Variants in C1QTNF3 observed in about 807,000 individuals in gnomAD.
C1QTNF3 encodes the protein complement C1q tumor necrosis factor-related protein 3.
C1QTNF3 carries 26 observed loss-of-function variants against 32.6 expected under a neutral mutation model. That is an observed-to-expected ratio of 0.80 (90% confidence interval 0.58 to 1.11). The LOEUF is 1.11. C1QTNF3 is among the 50% of genes least tolerant of loss of function. C1QTNF3 has a pLI of 0.00. For synonymous variants in C1QTNF3, 155 were observed against 146.0 expected, an observed-to-expected ratio of 1.06 and a Z score of -0.44; for missense variants, 362 against 398.2, an observed-to-expected ratio of 0.91 and a Z score of 0.77.
the C1QTNF3 span, among the ~76,000 whole-genome samples, chr5:34,172,428 C>T: frequency 1.5e-5 from 2 of 135,372 alleles, no homozygotes; most frequent in Non-Finnish European, 3.1e-5. Context: ...CAGCCATGTA[C>T]CCGGGGTTGG....
rs1754406708 is a variant in C1QTNF3, at chr5:34,024,176, C to G, written c.701-168G>C. On this transcript the variant is annotated intron_variant, in intron 4 of 5. Transcript: ENST00000382065. Reference sequence around the variant, plus strand: ...TGCAGGAATGTCCCTATATCTACTCCCCTTCCAAGTGCTTTCAATGTGTAC... The same window carrying G: ...TGCAGGAATGTCCCTATATCTACTCGCCTTCCAAGTGCTTTCAATGTGTAC... 6 of 591,402 alleles carry G rather than the reference C, an allele frequency of 1.0e-5. No individual in the cohort carries two copies. The South Asian group carries it at 1.1e-4, about 11-fold the overall frequency. The allele number at this position is 591,402 out of a possible 1,614,324, so 36.6% of individuals were successfully genotyped here. A position where few individuals can be genotyped will look rare whatever the true frequency, so the allele number is the denominator to read the frequency against.
At chr5:34,143,787 G>A in the C1QTNF3 span, among the ~76,000 whole-genome samples, 1 of 152,160 alleles carries the variant, frequency 6.6e-6, no homozygotes, top group Admixed American at 6.5e-5. Flanking sequence ...AGGAAATGCT[G>A]AACGTGAAAT....
the C1QTNF3 span, among the ~76,000 whole-genome samples, chr5:34,143,501 A>G: frequency 6.6e-6 from 1 of 152,166 alleles, no homozygotes; most frequent in East Asian, 1.9e-4. Context: ...GTCAACACAA[A>G]AGGAAAAATC....
chr5:34,170,534 G>A, the C1QTNF3 span, among the ~76,000 whole-genome samples: 1 of 151,926 alleles, frequency 6.6e-6, no homozygotes, highest in Non-Finnish European at 1.5e-5. Context: ...CAGTATCGGG[G>A]GTGTTTGCAT....
At chr5:34,211,302 C>T in the C1QTNF3 span, among the ~76,000 whole-genome samples, 3 of 151,438 alleles carry the variant, frequency 2.0e-5, 1 homozygote, top group South Asian at 6.3e-4. Flanking sequence ...GATATATTTC[C>T]AGCTTTATTT....
chr5:34,076,064 A>T, the C1QTNF3 span, among the ~76,000 whole-genome samples: 1 of 151,716 alleles, frequency 6.6e-6, no homozygotes, highest in Non-Finnish European at 1.5e-5. Flanking sequence ...AGGTAGCTAG[A>T]GTCATCAGAA....
chr5:34,048,285 T>TGTGTGTGTGC, the C1QTNF3 span, among the ~76,000 whole-genome samples: 364 of 98,474 alleles, frequency 3.7e-3, 4 homozygotes, highest in African/African-American at 0.012. Context: ...TGTGTGTGTG[T>TGTGTGTGTGC]GCATGAGAGA....
chr5:34,203,189 T>A, the C1QTNF3 span, among the ~76,000 whole-genome samples: 1 of 151,470 alleles, frequency 6.6e-6, no homozygotes, highest in Non-Finnish European at 1.5e-5. Flanking sequence ...GGACGAGAAA[T>A]CAAATAGCAA....
the C1QTNF3 span, among the ~76,000 whole-genome samples, chr5:34,211,715 A>G: frequency 0.011 from 1,717 of 152,060 alleles, 33 homozygotes; most frequent in African/African-American, 0.04. Context: ...TACAAAGGAC[A>G]TGAACTCATC....
chr5:34,026,709 A>G (rs1289523002), intron 4 of C1QTNF3, among the ~76,000 whole-genome samples: 2 of 152,132 alleles, frequency 1.3e-5, no homozygotes, highest in African/African-American at 2.4e-5. Flanking sequence ...TTTCTTCACC[A>G]AGAAACTAGA....
chr5:34,069,001 C>T, the C1QTNF3 span, among the ~76,000 whole-genome samples: 39 of 150,134 alleles, frequency 2.6e-4, no homozygotes, highest in South Asian at 7.8e-3. Context: ...CAGTAAACAT[C>T]ACCTGTGTGT....
the C1QTNF3 span, chr5:34,244,505 T>G: frequency 6.6e-6 from 1 of 152,290 alleles, no homozygotes; most frequent in South Asian, 2.1e-4. Context: ...GATGGGTTCA[T>G]TTTACAGAGA....
the C1QTNF3 span, among the ~76,000 whole-genome samples, chr5:34,098,802 A>G: frequency 7.9e-5 from 12 of 152,182 alleles, no homozygotes; most frequent in South Asian, 2.1e-4. Context: ...CTAAATTTGC[A>G]TAACATTTTC....
the C1QTNF3 span, chr5:34,168,698 T>C: frequency 6.6e-6 from 1 of 152,038 alleles, no homozygotes; most frequent in Non-Finnish European, 1.5e-5. Flanking sequence ...GATGAACCCC[T>C]GGAGCTGTCA....
chr5:34,230,412 A>G, the C1QTNF3 span, among the ~76,000 whole-genome samples: 11 of 152,296 alleles, frequency 7.2e-5, no homozygotes, highest in South Asian at 2.3e-3. Flanking sequence ...CATTTGGCAA[A>G]TCAGTGCATG....
chr5:34,206,026 GAAAGGTCTTTCA>G, the C1QTNF3 span, among the ~76,000 whole-genome samples: 1 of 151,448 alleles, frequency 6.6e-6, no homozygotes, highest in South Asian at 2.1e-4. Context: ...GGGGCCAAGT[GAAAGGTCTTTCA>G]ATTTCTAGAA....
chr5:34,203,134 G>T, the C1QTNF3 span, among the ~76,000 whole-genome samples: 4 of 152,102 alleles, frequency 2.6e-5, no homozygotes, highest in East Asian at 5.8e-4. Flanking sequence ...CAAAACACAT[G>T]AAAGTAGCAA....
At chr5:34,043,346 G>C, upstream of C1QTNF3, 1 of 564,530 alleles carries the variant, frequency 1.8e-6, no homozygotes. Flanking sequence ...CCACAAGCAA[G>C]AACGATTTGT....
At chr5:34,105,040 C>T in the C1QTNF3 span, among the ~76,000 whole-genome samples, 1 of 151,618 alleles carries the variant, frequency 6.6e-6, no homozygotes, top group Non-Finnish European at 1.5e-5. Flanking sequence ...CCTAATTACA[C>T]TTTCTGTCTC....
Sources: allele counts gnomAD v4.1 joint callset (sites outside exome capture counted in the v4.1 genomes callset), GRCh38; gene constraint gnomAD v4.1.1; transcripts MANE v1.5; gene names NCBI Gene and HGNC (gene_info 2026-07-23, HGNC 2026-07-21).